MEGF10: variants seen among roughly 807,000 people sequenced by gnomAD.
The protein encoded by MEGF10 is multiple EGF like domains 10.
MEGF10 carries 86 observed loss-of-function variants against 147.5 expected under a neutral mutation model. The observed-to-expected ratio is 0.58, with a 90% CI of 0.49 to 0.70. The LOEUF (loss-of-function observed/expected upper bound fraction) is 0.70. MEGF10 is among the 30% of genes least tolerant of loss of function. The pLI is 0.00. For missense variants in MEGF10, 1,329 were observed against 1,487.3 expected (o/e 0.89, Z 1.75); for synonymous variants, 478 against 525.5 (o/e 0.91, Z 1.24).
rs1166359183 is a variant in MEGF10, at chr5:127,455,613, T to G, written c.3232+6T>G. 1.9e-6 allele frequency: 3 copies of G among 1,613,456 alleles called. No individual in the cohort carries two copies. Among genetic ancestry groups the G allele is most frequent in the Non-Finnish European group, 2.5e-6 (3 of 1,179,604 alleles). On this transcript the variant is annotated splice_donor_region_variant and intron_variant, in intron 24 of 24. Transcript: ENST00000503335. ...CAGGAATGTCTATGAAGTTGGTGAG[T>G]TCCCTTAACCATAGAAAGAACCGAG...
the MEGF10 span, among the ~76,000 whole-genome samples, chr5:127,268,480 T>C: frequency 6.6e-6 from 1 of 152,202 alleles, no homozygotes; most frequent in African/African-American, 2.4e-5. Context: ...CCTTGTTAAC[T>C]TTCTGTCTCG....
the MEGF10 span, among the ~76,000 whole-genome samples, chr5:127,259,134 TAC>T: frequency 2.0e-5 from 3 of 152,098 alleles, no homozygotes; most frequent in African/African-American, 7.2e-5. Flanking sequence ...CAGAGGAGGA[TAC>T]AGTGAGGCTG....
At chr5:127,280,674 G>A in the MEGF10 span, among the ~76,000 whole-genome samples, 1 of 150,394 alleles carries the variant, frequency 6.6e-6, no homozygotes, top group African/African-American at 2.5e-5. Flanking sequence ...GGGCACGTGA[G>A]ACTGAAATCC....
chr5:127,339,070 T>C (rs754565840), intron 2 of MEGF10, 50 bp from the exon 3 acceptor site: 5 of 1,225,690 alleles, frequency 4.1e-6, no homozygotes, highest in African/African-American at 1.5e-5. Flanking sequence ...AGTATATTAT[T>C]AATTTAAAAA....
chr5:127,291,111 G>A (rs948515212), intron 1 of MEGF10, 55 bp downstream of exon 1: 1 of 152,240 alleles, frequency 6.6e-6, no homozygotes, highest in South Asian at 2.1e-4. Context: ...CCGGACGCCG[G>A]AAGGCTTCTC....
the MEGF10 span, among the ~76,000 whole-genome samples, chr5:127,267,186 GT>G: frequency 1.3e-5 from 2 of 152,218 alleles, no homozygotes; most frequent in East Asian, 1.9e-4. Flanking sequence ...TAATCATGTG[GT>G]TTTTGTCTTT....
intron 17 of MEGF10, 79 bp downstream of exon 17, chr5:127,438,646 C>A: frequency 1.3e-6 from 2 of 1,506,024 alleles, no homozygotes; most frequent in Non-Finnish European, 1.8e-6. Flanking sequence ...GCATGCGTGA[C>A]TGGAGCTCAA....
intron 5 of MEGF10, among the ~76,000 whole-genome samples, chr5:127,373,405 G>A (rs1015953734): frequency 1.3e-5 from 2 of 152,132 alleles, no homozygotes; most frequent in African/African-American, 4.8e-5. Context: ...ACCCACCTCG[G>A]CCTCCCAAAA....
chr5:127,384,808 T>C (rs369842568), intron 5 of MEGF10, among the ~76,000 whole-genome samples: 2 of 152,186 alleles, frequency 1.3e-5, no homozygotes, highest in South Asian at 2.1e-4. Context: ...GGAAAATACA[T>C]TTTTATTGTT....
Position 127,352,373 on chromosome 5 carries a change from T to C in MEGF10, c.319+11743T>C, listed in dbSNP as rs147850514. Among the ~76,000 whole-genome samples the C allele has an allele frequency of 2.4e-3, 368 of 152,244 alleles. 3 individuals are homozygous for C. The highest frequency in any genetic ancestry group is 0.016 in the East Asian group (83 of 5,176). ...TAATGCTGTTCACTTTAAAAACTTA[T>C]GTTTATTGCTGGGCATGGTGGCTCA... On this transcript the variant is annotated intron_variant, in intron 4 of 24. Coordinates refer to ENST00000503335, the MANE Select transcript of MEGF10 (RefSeq NM_001256545.2).
the MEGF10 span, among the ~76,000 whole-genome samples, chr5:127,262,099 A>C: frequency 6.6e-6 from 1 of 152,066 alleles, no homozygotes; most frequent in East Asian, 1.9e-4. Flanking sequence ...GGTATATGAG[A>C]GTTTTTAATT....
chr5:127,315,619 C>T (rs1325033956), intron 1 of MEGF10, among the ~76,000 whole-genome samples: 2 of 151,946 alleles, frequency 1.3e-5, no homozygotes, highest in Non-Finnish European at 2.9e-5. Flanking sequence ...TACAAAAATA[C>T]AAAAATTAGC....
At chr5:127,430,998 G>A (rs896878992) in intron 13 of MEGF10, among the ~76,000 whole-genome samples, 3 of 152,196 alleles carry the variant, frequency 2.0e-5, no homozygotes, top group African/African-American at 7.2e-5. Context: ...ATGCTTATAT[G>A]ATTGGACACA....
rs1766413985 is a variant in MEGF10, at chr5:127,457,574, G to GT, written c.*257dup. The GT allele has an allele frequency of 4.6e-6, 2 of 431,158 alleles. No homozygotes were observed. The highest frequency in any genetic ancestry group is 8.0e-5 in the South Asian group (2 of 24,996). The allele number at this position is 431,158 out of a possible 1,614,324, so 26.7% of individuals were successfully genotyped here. On this transcript the variant is annotated 3_prime_UTR_variant, in exon 25 of 25. Coordinates refer to ENST00000503335, the MANE Select transcript of MEGF10 (RefSeq NM_001256545.2). Reference sequence around the variant, plus strand: ...CTATACCCGTGAAGCATGACTTATTGTAAGATGTTGGCTGAAAGCATGAAC... The same window carrying GT: ...CTATACCCGTGAAGCATGACTTATTGTTAAGATGTTGGCTGAAAGCATGAAC...
At chr5:127,367,566 T>C (rs1762702218) in intron 4 of MEGF10, among the ~76,000 whole-genome samples, 1 of 152,186 alleles carries the variant, frequency 6.6e-6, no homozygotes, top group Admixed American at 6.5e-5. Context: ...AAGTCTGAAA[T>C]TCAAGAATAT....
At chr5:127,270,858 A>T in the MEGF10 span, among the ~76,000 whole-genome samples, 2 of 152,220 alleles carry the variant, frequency 1.3e-5, no homozygotes, top group South Asian at 4.1e-4. Context: ...GCTAAGGATA[A>T]TGGCCTCCAG....
chr5:127,276,774 C>T, the MEGF10 span, among the ~76,000 whole-genome samples: 2 of 151,806 alleles, frequency 1.3e-5, no homozygotes, highest in African/African-American at 2.4e-5. Context: ...ACATAGCAAA[C>T]AATAAACATA....
chr5:127,298,318 A>G (rs1759602403), intron 1 of MEGF10, among the ~76,000 whole-genome samples: 1 of 151,964 alleles, frequency 6.6e-6, no homozygotes, highest in African/African-American at 2.4e-5. Context: ...CATCGTTCTC[A>G]CCTGTCTTCG....
intron 4 of MEGF10, among the ~76,000 whole-genome samples, chr5:127,343,786 T>TA (rs57195563): frequency 3.5e-4 from 51 of 145,526 alleles, no homozygotes; most frequent in South Asian, 1.1e-3. Flanking sequence ...CCCCGTCTCT[T>TA]AAAAAAAAAA....
Sources: allele counts gnomAD v4.1 joint callset (sites outside exome capture counted in the v4.1 genomes callset), GRCh38; gene constraint gnomAD v4.1.1; transcripts MANE v1.5; gene names NCBI Gene and HGNC (gene_info 2026-07-23, HGNC 2026-07-21).